Variants in PLPPR5 observed in about 807,000 individuals in gnomAD.
The protein encoded by PLPPR5 is phospholipid phosphatase-related protein type 5.
In PLPPR5, 16 loss-of-function variants were observed where a neutral mutation model predicts 33.9. That is an observed-to-expected ratio of 0.47 (90% CI 0.32 to 0.72). The LOEUF is 0.72. Among genes scored for constraint, PLPPR5 ranks in the 30% least tolerant of loss-of-function variants. The pLI is 0.03. For missense variants in PLPPR5, 301 were observed against 406.7 expected (o/e 0.74, Z 2.23); for synonymous variants, 163 against 150.3 (o/e 1.08, Z -0.62).
chr1:98,993,458 C>A (rs1652527223), intron 1 of PLPPR5, among the ~76,000 whole-genome samples: 1 of 152,198 alleles, frequency 6.6e-6, no homozygotes, highest in Admixed American at 6.6e-5. Context: ...AAATAAAGAT[C>A]TCTTTGTGAA....
intron 2 of PLPPR5, among the ~76,000 whole-genome samples, chr1:98,955,583 A>AATCT (rs1391833374): frequency 6.6e-6 from 1 of 152,086 alleles, no homozygotes; most frequent in African/African-American, 2.4e-5. Flanking sequence ...TAAAAATAAC[A>AATCT]ATCTTGGATA....
chr1:98,927,969 T>G (rs1649828029), intron 3 of PLPPR5, among the ~76,000 whole-genome samples: 1 of 152,088 alleles, frequency 6.6e-6, no homozygotes, highest in Non-Finnish European at 1.5e-5. Flanking sequence ...TATTCAGATA[T>G]TCAAATTTTG....
intron 1 of PLPPR5, among the ~76,000 whole-genome samples, chr1:98,984,356 T>C (rs1652177531): frequency 6.6e-6 from 1 of 152,062 alleles, no homozygotes; most frequent in Non-Finnish European, 1.5e-5. Context: ...CCTTAATTTC[T>C]AAAGAACTGA....
At chr1:98,970,685 C>T (rs1043456452) in intron 1 of PLPPR5, among the ~76,000 whole-genome samples, 7 of 151,852 alleles carry the variant, frequency 4.6e-5, no homozygotes, top group African/African-American at 1.7e-4. Flanking sequence ...CCTCATTTTA[C>T]AGGTAAGGAA....
At position 98,891,509 on chromosome 1, in the gene PLPPR5, T is replaced by C. The variant is rs1648274114; in HGVS notation, c.*1563A>G. On this transcript the variant is annotated 3_prime_UTR_variant, in exon 6 of 6. Transcript: ENST00000263177. ...ATTGTTGAGGAGCTCACCTTCCTTATATTATGGCGATTGTAATCTGGAATT... is the reference window on the plus strand; with the variant it reads ...ATTGTTGAGGAGCTCACCTTCCTTACATTATGGCGATTGTAATCTGGAATT... 6.6e-6 allele frequency: 1 copy of C among 151,992 alleles called. No homozygotes were observed. Among genetic ancestry groups the C allele is most frequent in the South Asian group, 2.1e-4 (1 of 4,814 alleles). 9.4% of individuals were successfully genotyped at this position (151,992 alleles called of 1,614,324 possible).
At position 98,981,544 on chromosome 1, in the gene PLPPR5, T is replaced by C. The variant is rs186180241; in HGVS notation, c.237+22891A>G. 6.4e-4 allele frequency among the ~76,000 whole-genome samples: 97 copies of C among 152,182 alleles called. 1 individual carries two copies. The highest frequency in any genetic ancestry group is 1.1e-3 in the Non-Finnish European group (77 of 67,982). On this transcript the variant is annotated intron_variant, in intron 1 of 5. Transcript: ENST00000263177. ...CTCACTCCACTCCACCTCATTCCAC[T>C]TCCAGTTATGCATACCTCCATCAGG...
chr1:98,927,523 G>T (rs1449876137), intron 3 of PLPPR5, among the ~76,000 whole-genome samples: 2 of 152,196 alleles, frequency 1.3e-5, no homozygotes, highest in African/African-American at 4.8e-5. Context: ...ATAGCCCCAG[G>T]TGGGCTGCCT....
chr1:98,983,947 T>C (rs12135859), intron 1 of PLPPR5, among the ~76,000 whole-genome samples: 2 of 79,820 alleles, frequency 2.5e-5, no homozygotes, highest in Non-Finnish European at 5.3e-5. Context: ...TGTTTTTTTC[T>C]TTTTTTTTTT....
At chr1:98,913,803 T>C (rs1649241395) in intron 5 of PLPPR5, among the ~76,000 whole-genome samples, 1 of 152,200 alleles carries the variant, frequency 6.6e-6, no homozygotes, top group Non-Finnish European at 1.5e-5. Context: ...ACCATTTAAC[T>C]AGTTACAAAT....
intron 1 of PLPPR5, among the ~76,000 whole-genome samples, chr1:98,963,196 T>A (rs747389867): frequency 1.3e-5 from 2 of 152,210 alleles, no homozygotes; most frequent in Non-Finnish European, 2.9e-5. Context: ...AGGCAGTGCA[T>A]GGTTCTGTGC....
intron 1 of PLPPR5, among the ~76,000 whole-genome samples, chr1:98,960,644 C>A (rs762251719): frequency 6.6e-6 from 1 of 152,280 alleles, no homozygotes; most frequent in South Asian, 2.1e-4. Flanking sequence ...AGGGTAGACA[C>A]AAGCAAATTG....
chr1:98,947,310 T>C (rs1007796746), intron 3 of PLPPR5, among the ~76,000 whole-genome samples: 2 of 152,198 alleles, frequency 1.3e-5, no homozygotes, highest in African/African-American at 4.8e-5. Context: ...GACATGGGAA[T>C]TTCTGTGATG....
At chr1:98,991,162 C>T (rs928919780) in intron 1 of PLPPR5, 1 of 151,890 alleles carries the variant, frequency 6.6e-6, no homozygotes, top group East Asian at 1.9e-4. Flanking sequence ...GGAGTGTTCT[C>T]TTAAGGTTTA....
intron 1 of PLPPR5, among the ~76,000 whole-genome samples, chr1:98,981,706 A>G (rs1280540950): frequency 1.3e-5 from 2 of 152,098 alleles, no homozygotes; most frequent in Non-Finnish European, 2.9e-5. Context: ...GAATTACTGA[A>G]TACTAACTTA....
chr1:98,908,069 C>T (rs577593779), intron 5 of PLPPR5, among the ~76,000 whole-genome samples: 17 of 152,312 alleles, frequency 1.1e-4, no homozygotes, highest in Non-Finnish European at 1.2e-4. Flanking sequence ...TATTTGCTAA[C>T]TCTGTCTCAA....
At chr1:98,947,203 G>A (rs550589437) in intron 3 of PLPPR5, among the ~76,000 whole-genome samples, 3 of 152,302 alleles carry the variant, frequency 2.0e-5, no homozygotes, top group Non-Finnish European at 2.9e-5. Context: ...AAGCCCACAT[G>A]CATTAACCAA....
intron 1 of PLPPR5, among the ~76,000 whole-genome samples, chr1:98,993,589 A>G (rs1256776524): frequency 1.3e-5 from 2 of 152,046 alleles, no homozygotes; most frequent in Non-Finnish European, 2.9e-5. Context: ...ACCCAAAAAT[A>G]CTGTCTAGTA....
At chr1:98,894,874 G>C (rs1469015099) in intron 5 of PLPPR5, among the ~76,000 whole-genome samples, 4 of 152,048 alleles carry the variant, frequency 2.6e-5, no homozygotes, top group African/African-American at 9.7e-5. Context: ...GATCAATGCA[G>C]AGCTTGACAG....
Position 98,891,648 on chromosome 1 carries a change from G to A in PLPPR5, c.*1424C>T, listed in dbSNP as rs1345275244. 6.6e-6 allele frequency: 1 copy of A among 151,930 alleles called. No individual in the cohort carries two copies. The highest frequency in any genetic ancestry group is 2.4e-5 in the African/African-American group (1 of 41,360). The allele number at this position is 151,930 out of a possible 1,614,324, so 9.4% of individuals were successfully genotyped here. Reference sequence around the variant, plus strand: ...AATTTAGGCTTCTCTTTCACAAAAAGCCTCACATCTAGACTCTTGATATTA... The same window carrying A: ...AATTTAGGCTTCTCTTTCACAAAAAACCTCACATCTAGACTCTTGATATTA... On this transcript the variant is annotated 3_prime_UTR_variant, in exon 6 of 6. Coordinates refer to ENST00000263177, the MANE Select transcript of PLPPR5 (RefSeq NM_001037317.2).
Sources: gnomAD v4.1 joint callset for allele counts (sites outside exome capture counted in the v4.1 genomes callset) on GRCh38, gnomAD v4.1.1 for gene constraint, MANE v1.5 for transcripts, NCBI Gene and HGNC (gene_info 2026-07-23, HGNC 2026-07-21) for gene names.